Variants in CDH18 observed in about 807,000 individuals in gnomAD.
CDH18 encodes the protein cadherin-18.
Under a neutral mutation model 67.9 loss-of-function variants are expected in CDH18, and 31 were observed. The ratio of observed to expected loss-of-function variants is 0.46; its 90% confidence interval spans 0.34 to 0.62. The LOEUF (loss-of-function observed/expected upper bound fraction) is 0.62. CDH18 is among the 20% of genes least tolerant of loss of function. CDH18 has a pLI of 0.01. For synonymous variants in CDH18, 362 were observed against 347.2 expected (o/e 1.04, Z -0.48); for missense variants, 890 against 975.5 (o/e 0.91, Z 1.17).
At chr5:20,408,905 GAA>G (rs1746527673) in intron 1 of CDH18, among the ~76,000 whole-genome samples, 1 of 151,570 alleles carries the variant, frequency 6.6e-6, no homozygotes, top group Non-Finnish European at 1.5e-5. Flanking sequence ...TTAAAACAAA[GAA>G]AGCTAGGAAT....
At chr5:19,931,667 A>G (rs1183013374) in intron 2 of CDH18, among the ~76,000 whole-genome samples, 5 of 151,948 alleles carry the variant, frequency 3.3e-5, no homozygotes, top group Non-Finnish European at 7.4e-5. Flanking sequence ...GAGAAGTGAA[A>G]AAAAACTTTT....
At chr5:19,581,753 T>G (rs541409187) in intron 7 of CDH18, among the ~76,000 whole-genome samples, 1 of 152,196 alleles carries the variant, frequency 6.6e-6, no homozygotes, top group Admixed American at 6.5e-5. Context: ...GAATAGTGAC[T>G]GACATCATTA....
chr5:19,594,944 T>C (rs1464764114), intron 6 of CDH18, among the ~76,000 whole-genome samples: 2 of 152,048 alleles, frequency 1.3e-5, no homozygotes, highest in African/African-American at 2.4e-5. Flanking sequence ...CCAGAGCAAT[T>C]AGGCATTTAA....
At chr5:20,142,255 A>G (rs1750302501) in intron 2 of CDH18, among the ~76,000 whole-genome samples, 1 of 152,138 alleles carries the variant, frequency 6.6e-6, no homozygotes, top group Non-Finnish European at 1.5e-5. Context: ...AGCTAATTCC[A>G]TCTCATGGAT....
chr5:20,143,243 T>C (rs1199289205), intron 2 of CDH18, among the ~76,000 whole-genome samples: 1 of 152,100 alleles, frequency 6.6e-6, no homozygotes, highest in Non-Finnish European at 1.5e-5. Flanking sequence ...ATAAGGAATA[T>C]ATTAATGGAA....
At chr5:20,427,976 G>A (rs560596696) in intron 1 of CDH18, among the ~76,000 whole-genome samples, 2 of 151,008 alleles carry the variant, frequency 1.3e-5, no homozygotes, top group African/African-American at 5.0e-5. Context: ...TGTGCAGAAC[G>A]TGCAGGTTTG....
intron 2 of CDH18, among the ~76,000 whole-genome samples, chr5:20,154,521 T>A (rs1751372660): frequency 6.6e-6 from 1 of 152,144 alleles, no homozygotes; most frequent in Admixed American, 6.6e-5. Context: ...GAATAAAAAA[T>A]TTTAACAACA....
chr5:19,971,911 C>A (rs1316715859), intron 2 of CDH18, among the ~76,000 whole-genome samples: 2 of 151,202 alleles, frequency 1.3e-5, no homozygotes, highest in Non-Finnish European at 3.0e-5. Context: ...CCAAATAGTG[C>A]AATAATTTAG....
At chr5:19,891,426 T>A (rs563134615) in intron 2 of CDH18, among the ~76,000 whole-genome samples, 1 of 152,256 alleles carries the variant, frequency 6.6e-6, no homozygotes, top group South Asian at 2.1e-4. Context: ...CTAGAACCCT[T>A]CAACTTGAAT....
chr5:19,761,332 C>G (rs1417671281), intron 3 of CDH18, among the ~76,000 whole-genome samples: 2 of 152,088 alleles, frequency 1.3e-5, no homozygotes, highest in African/African-American at 4.8e-5. Flanking sequence ...GAGTAACCAA[C>G]CAGCTTCATT....
intron 7 of CDH18, among the ~76,000 whole-genome samples, chr5:19,580,287 C>T (rs1743029227): frequency 6.6e-6 from 1 of 151,854 alleles, no homozygotes; most frequent in Admixed American, 6.6e-5. Context: ...CTGACCCCTT[C>T]CCATCTTTGA....
intron 1 of CDH18, among the ~76,000 whole-genome samples, chr5:20,379,055 C>G (rs543236614): frequency 5.5e-4 from 83 of 152,122 alleles, no homozygotes; most frequent in African/African-American, 2.0e-3. Context: ...GGACATTCAC[C>G]ATTAACTGAA....
chr5:19,502,953 A>G, intron 11 of CDH18, 39 bp downstream of exon 11: 1 of 1,150,096 alleles, frequency 8.7e-7, no homozygotes, highest in Non-Finnish European at 1.3e-6. Flanking sequence ...GTCAAAGCAG[A>G]TACCACATAG....
intron 3 of CDH18, among the ~76,000 whole-genome samples, chr5:19,825,334 C>A (rs1185225830): frequency 6.6e-6 from 1 of 152,072 alleles, no homozygotes; most frequent in Non-Finnish European, 1.5e-5. Flanking sequence ...CTCCAGTTAA[C>A]CTCAAAAACA....
intron 5 of CDH18, among the ~76,000 whole-genome samples, chr5:19,644,249 T>C (rs1754431864): frequency 1.3e-5 from 2 of 152,132 alleles, no homozygotes; most frequent in South Asian, 4.1e-4. Context: ...AAGCTTCCAG[T>C]AGTTTATCAA....
intron 2 of CDH18, among the ~76,000 whole-genome samples, chr5:20,099,170 T>C (rs1349240972): frequency 6.6e-6 from 1 of 152,216 alleles, no homozygotes; most frequent in Non-Finnish European, 1.5e-5. Context: ...CAAAACACTG[T>C]GTGAATAAAC....
intron 11 of CDH18, among the ~76,000 whole-genome samples, 178 bp from the exon 12 acceptor site, chr5:19,483,730 A>C (rs1241785598): frequency 6.6e-6 from 1 of 152,214 alleles, no homozygotes; most frequent in Non-Finnish European, 1.5e-5. Flanking sequence ...CCAACTGAGA[A>C]ACCTATTTAG....
At chr5:19,611,460 T>G (rs796347067) in intron 6 of CDH18, among the ~76,000 whole-genome samples, 3 of 152,260 alleles carry the variant, frequency 2.0e-5, no homozygotes, top group African/African-American at 7.2e-5. Context: ...GGAAAAATTT[T>G]AGTTGAAGTA....
chr5:19,731,694 C>A (rs1236245203), intron 4 of CDH18, among the ~76,000 whole-genome samples: 1 of 152,126 alleles, frequency 6.6e-6, no homozygotes, highest in Non-Finnish European at 1.5e-5. Context: ...TCGAAGTATT[C>A]TATCAATTAT....
Sources: allele counts gnomAD v4.1 joint callset (sites outside exome capture counted in the v4.1 genomes callset), GRCh38; gene constraint gnomAD v4.1.1; transcripts MANE v1.5; gene names NCBI Gene and HGNC (gene_info 2026-07-23, HGNC 2026-07-21).